Variants in DENND1B observed in about 807,000 individuals in gnomAD.
DENND1B encodes DENN domain containing 1B.
A neutral mutation model predicts 90.1 loss-of-function variants in DENND1B; 59 were observed. The observed-to-expected ratio is 0.65, with a 90% CI of 0.53 to 0.81. The LOEUF is 0.81. Among genes scored for constraint, DENND1B ranks in the 40% least tolerant of loss-of-function variants. DENND1B has a pLI of 0.00. For synonymous variants in DENND1B, 337 were observed against 324.6 expected (o/e 1.04, Z -0.41); for missense variants, 862 against 912.6 (o/e 0.94, Z 0.71).
At position 197,723,561 on chromosome 1, in the gene DENND1B, T is replaced by C. The variant is rs115193323; in HGVS notation, c.83-8487A>G. 8.9e-3 allele frequency among the ~76,000 whole-genome samples: 1,359 copies of C among 152,292 alleles called. 13 individuals are homozygous for C. Among genetic ancestry groups the C allele is most frequent in the Non-Finnish European group, 0.014 (922 of 68,020 alleles). On this transcript the variant is annotated intron_variant, in intron 2 of 22. Coordinates refer to ENST00000620048, the MANE Select transcript of DENND1B (RefSeq NM_001195215.2). The stretch of plus-strand genomic sequence containing the variant: ...AAATGTTTTGACATTTTTCAGATAC[T>C]AATCATTAAAAGCCAACACAAACGT...
At position 197,530,763 on chromosome 1, in the gene DENND1B, T is replaced by C. The variant is rs139374235; in HGVS notation, c.1515+9201A>G. On this transcript the variant is annotated intron_variant, in intron 20 of 22. Transcript: ENST00000620048. ...TATCAAGTACTTATTATGTGGCAGATATTTTATATACATTATCTATAATGC... is the reference window on the plus strand; with the variant it reads ...TATCAAGTACTTATTATGTGGCAGACATTTTATATACATTATCTATAATGC... Among the ~76,000 whole-genome samples the C allele has an allele frequency of 6.5e-3, 994 of 152,312 alleles. 9 individuals are homozygous for C. The highest frequency in any genetic ancestry group is 0.014 in the Admixed American group (209 of 15,302).
intron 7 of DENND1B, among the ~76,000 whole-genome samples, chr1:197,648,555 A>G (rs1680935137): frequency 6.6e-6 from 1 of 152,148 alleles, no homozygotes; most frequent in Non-Finnish European, 1.5e-5. Context: ...TAGCACCTTT[A>G]TTTTCCTTAA....
intron 9 of DENND1B, among the ~76,000 whole-genome samples, 172 bp downstream of exon 9, chr1:197,645,518 A>C (rs1036716111): frequency 6.6e-6 from 1 of 152,130 alleles, no homozygotes; most frequent in East Asian, 1.9e-4. Context: ...GGGCAGATAT[A>C]TAAAGAAGAA....
intron 14 of DENND1B, among the ~76,000 whole-genome samples, chr1:197,590,597 T>C (rs1558279142): frequency 6.6e-6 from 1 of 152,210 alleles, no homozygotes; most frequent in Non-Finnish European, 1.5e-5. Context: ...TTACACACTG[T>C]AAGTAACAAC....
Position 197,761,447 on chromosome 1 carries a change from G to A in DENND1B, c.82+11421C>T, listed in dbSNP as rs147079878. On this transcript the variant is annotated intron_variant, in intron 2 of 22. Transcript: ENST00000620048. ...ATAATTTTAATGCATAGACCTTGAG[G>A]ACATATGATGTTCCCGTGTATTAAA... 2.4e-3 allele frequency among the ~76,000 whole-genome samples: 369 copies of A among 152,198 alleles called. 3 individuals carry two copies. The highest frequency in any genetic ancestry group is 8.4e-3 in the African/African-American group (349 of 41,550).
chr1:197,756,559 G>A (rs1172891760), intron 2 of DENND1B, among the ~76,000 whole-genome samples: 1 of 106,032 alleles, frequency 9.4e-6, no homozygotes, highest in Non-Finnish European at 1.7e-5. Flanking sequence ...CTGGGCAACA[G>A]AGCAAGTCTC....
intron 14 of DENND1B, among the ~76,000 whole-genome samples, chr1:197,589,839 C>T (rs747357524): frequency 2.0e-5 from 3 of 152,152 alleles, no homozygotes; most frequent in Non-Finnish European, 4.4e-5. Flanking sequence ...GATGGAAACA[C>T]ATGACAGCAC....
chr1:197,719,248 T>G (rs1326489692), intron 2 of DENND1B, among the ~76,000 whole-genome samples: 1 of 152,070 alleles, frequency 6.6e-6, no homozygotes, highest in Non-Finnish European at 1.5e-5. Context: ...CTAGAGATAT[T>G]TGTTTTTTTC....
At chr1:197,516,464 G>A (rs1307694455) in intron 20 of DENND1B, among the ~76,000 whole-genome samples, 6 of 151,718 alleles carry the variant, frequency 4.0e-5, no homozygotes, top group African/African-American at 1.5e-4. Flanking sequence ...TAATGTAATC[G>A]ACATTTAAGA....
At chr1:197,553,632 T>C (rs1351744627) in intron 15 of DENND1B, among the ~76,000 whole-genome samples, 3 of 152,172 alleles carry the variant, frequency 2.0e-5, no homozygotes, top group Non-Finnish European at 1.5e-5. Context: ...TTTCAGCTTA[T>C]TAACTTCATT....
chr1:197,765,630 GAACA>G (rs1330868223), intron 2 of DENND1B, among the ~76,000 whole-genome samples: 1 of 152,138 alleles, frequency 6.6e-6, no homozygotes, highest in African/African-American at 2.4e-5. Context: ...GAAAAAACCT[GAACA>G]AACTTGCACT....
intron 6 of DENND1B, among the ~76,000 whole-genome samples, chr1:197,652,533 T>C (rs1376249253): frequency 6.6e-6 from 1 of 152,114 alleles, no homozygotes; most frequent in Non-Finnish European, 1.5e-5. Context: ...ATAATGGCAA[T>C]ATTTCTATTT....
chr1:197,615,500 C>A (rs762303849), intron 11 of DENND1B, among the ~76,000 whole-genome samples: 2 of 150,982 alleles, frequency 1.3e-5, no homozygotes, highest in Non-Finnish European at 3.0e-5. Flanking sequence ...CTTTTCCTAT[C>A]AAATCTTCAT....
intron 2 of DENND1B, among the ~76,000 whole-genome samples, chr1:197,766,664 T>C (rs1571677992): frequency 1.3e-5 from 2 of 152,164 alleles, no homozygotes; most frequent in Non-Finnish European, 1.5e-5. Context: ...GACTTCTATT[T>C]CTAATGCCCC....
At chr1:197,598,007 A>G (rs1330033984) in intron 13 of DENND1B, among the ~76,000 whole-genome samples, 1 of 151,798 alleles carries the variant, frequency 6.6e-6, no homozygotes, top group African/African-American at 2.4e-5. Context: ...AATTTCACCT[A>G]TTTCTTTTAT....
At chr1:197,746,916 T>G (rs932318275) in intron 2 of DENND1B, 6 of 1,560,236 alleles carry the variant, frequency 3.8e-6, no homozygotes, top group Non-Finnish European at 5.3e-6. Context: ...AGCTCTCGAG[T>G]AGCTAGCTGG....
intron 2 of DENND1B, among the ~76,000 whole-genome samples, chr1:197,769,195 A>G (rs1924517): frequency 0.85 from 129,439 of 151,724 alleles, 55,609 homozygotes; most frequent in African/African-American, 0.95. Context: ...TATATATTCT[A>G]AAAGTTCTTT....
In DENND1B at chr1:197,617,212, T is replaced by C. The variant is rs368204148; in HGVS notation, c.773+447A>G. ...TCAGTACTTGGTATTTGGTGTGCTA[T>C]TATTGAAAAAAGAGGGGTAAAGAAG... On this transcript the variant is annotated intron_variant, in intron 11 of 22. Coordinates refer to ENST00000620048, the MANE Select transcript of DENND1B (RefSeq NM_001195215.2). 5.3e-5 allele frequency among the ~76,000 whole-genome samples: 8 copies of C among 151,140 alleles called. No homozygotes were observed. The South Asian group carries it at 1.7e-3, about 31-fold the overall frequency.
At chr1:197,735,177 A>G (rs1662525496) in intron 2 of DENND1B, 1 of 1,000,050 alleles carries the variant, frequency 1.0e-6, no homozygotes, top group African/African-American at 1.7e-5. Context: ...AAAAAACAAT[A>G]TTGAATGGGT....
Sources: allele counts gnomAD v4.1 joint callset (sites outside exome capture counted in the v4.1 genomes callset), GRCh38; gene constraint gnomAD v4.1.1; transcripts MANE v1.5; gene names NCBI Gene and HGNC (gene_info 2026-07-23, HGNC 2026-07-21).